Variants in BBS4 observed in about 807,000 individuals in gnomAD.
BBS4 encodes BBSome complex member BBS4.
BBS4 carries 58 observed loss-of-function variants against 71.4 expected under a neutral mutation model. The observed-to-expected ratio is 0.81, with a 90% CI of 0.66 to 1.01. The LOEUF (loss-of-function observed/expected upper bound fraction) is 1.01, where lower values mean the gene tolerates loss of function less well. Among genes scored for constraint, BBS4 ranks in the 50% least tolerant of loss-of-function variants. The pLI is 0.00. For missense variants in BBS4, 660 were observed against 607.9 expected (o/e 1.09, Z -0.90); for synonymous variants, 228 against 216.8 (o/e 1.05, Z -0.46).
chr15:72,738,067 A>G lies in BBS4; in HGVS notation c.*480A>G. The G allele has an allele frequency of 2.2e-6, 1 of 454,124 alleles. No homozygotes were observed. Among genetic ancestry groups the G allele is most frequent in the South Asian group, 1.6e-5 (1 of 64,474 alleles). The allele number at this position is 454,124 out of a possible 1,614,324, so 28.1% of individuals were successfully genotyped here. On this transcript the variant is annotated 3_prime_UTR_variant, in exon 16 of 16. Transcript: ENST00000268057. Reference sequence around the variant, plus strand: ...AGGCAAACACAAATATTAGATTAATAATCCAACTTTAATAGTATACATTTA... The same window carrying G: ...AGGCAAACACAAATATTAGATTAATGATCCAACTTTAATAGTATACATTTA...
Position 72,702,802 on chromosome 15 carries a change from CTTTTTTTTTTTT to C in BBS4, c.77-6886_77-6875del, listed in dbSNP as rs59816410. On this transcript the variant is annotated intron_variant, in intron 2 of 15. Coordinates refer to ENST00000268057, the MANE Select transcript of BBS4 (RefSeq NM_033028.5). Reference sequence around the variant, plus strand: ...TTTTTGGTATAGTGAGGAGCTGACTCTTTTTTTTTTTTTTTTTTTTTTTGAGACGGAGTCTCG... The same window carrying C: ...TTTTTGGTATAGTGAGGAGCTGACTCTTTTTTTTTTTGAGACGGAGTCTCG... Among the ~76,000 whole-genome samples the C allele has an allele frequency of 1.8e-4, 13 of 73,486 alleles. 1 individual carries two copies. Among genetic ancestry groups the C allele is most frequent in the Non-Finnish European group, 2.2e-4 (9 of 40,228 alleles). 48.2% of individuals were successfully genotyped at this position (73,486 alleles called of 152,430 possible).
At chr15:72,695,878 G>A (rs1315807797) in intron 2 of BBS4, among the ~76,000 whole-genome samples, 1 of 152,140 alleles carries the variant, frequency 6.6e-6, no homozygotes, top group African/African-American at 2.4e-5. Context: ...TTCTTTATAT[G>A]GTTTGTTTTA....
intron 1 of BBS4, chr15:72,686,523 C>G (rs775255819): frequency 1.3e-5 from 20 of 1,505,334 alleles, no homozygotes; most frequent in Non-Finnish European, 1.7e-5. Flanking sequence ...AGTAATGGCT[C>G]TTACCGTAGT....
chr15:72,719,057 G>GT (rs1260840124), intron 6 of BBS4, among the ~76,000 whole-genome samples: 2 of 151,912 alleles, frequency 1.3e-5, no homozygotes, highest in East Asian at 3.9e-4. Flanking sequence ...GAAAAAAAGA[G>GT]TTTTTTACTT....
chr15:72,686,975 A>G (rs184903293), intron 1 of BBS4: 31 of 219,764 alleles, frequency 1.4e-4, no homozygotes, highest in South Asian at 1.4e-3. Context: ...AAAACAGTAC[A>G]AATAGCAGCC....
intron 1 of BBS4, among the ~76,000 whole-genome samples, chr15:72,694,193 CTT>C (rs34852416): frequency 1.8e-3 from 248 of 135,334 alleles, no homozygotes; most frequent in Middle Eastern, 3.8e-3. Flanking sequence ...CCTTTCTTTC[CTT>C]TTTTTTTTTT....
Position 72,731,310 on chromosome 15 carries a change from C to G in BBS4, c.717C>G (p.Ile239Met), listed in dbSNP as rs2065815468. ...TCTCTGTGCCATGTTTTCAGGCCAT[C>G]TTGGCAGCAGGCAGCATGATGCAGA... is the stretch of plus-strand genomic sequence containing the variant. ...LTYDPTNYKA[I>M]LAAGSMMQTH... Residue 239 changes from isoleucine (I) to methionine (M), a missense_variant, in exon 11 of 16, where the codon ATC becomes ATG. By Grantham distance (10) the Ile-to-Met change is conservative. Transcript: ENST00000268057. 1.4e-5 allele frequency: 22 copies of G among 1,613,914 alleles called. No homozygotes were observed. The highest frequency in any genetic ancestry group is 5.3e-5 in the African/African-American group (4 of 74,850).
At chr15:72,703,212 A>G (rs2065207918) in intron 2 of BBS4, among the ~76,000 whole-genome samples, 1 of 152,150 alleles carries the variant, frequency 6.6e-6, no homozygotes, top group Admixed American at 6.5e-5. Flanking sequence ...TTAGAAGGCA[A>G]GAGGAAAGAG....
At chr15:72,723,045 T>C (rs561120145) in intron 7 of BBS4, among the ~76,000 whole-genome samples, 198 bp downstream of exon 7, 2 of 152,272 alleles carry the variant, frequency 1.3e-5, no homozygotes, top group East Asian at 1.9e-4. Context: ...AATAAGAACA[T>C]GGAAAGTTCT....
chr15:72,717,865 G>A (rs1186812380), intron 6 of BBS4, among the ~76,000 whole-genome samples: 3 of 151,998 alleles, frequency 2.0e-5, no homozygotes, highest in South Asian at 2.1e-4. Context: ...GTGGTGCGGG[G>A]GGGTACAGAG....
chr15:72,736,857 G>C lies in BBS4; in HGVS notation c.1344G>C (p.Gln448His). 1 of 1,614,144 alleles carries C rather than the reference G, an allele frequency of 6.2e-7. No individual in the cohort carries two copies. The highest frequency in any genetic ancestry group is 8.5e-7 in the Non-Finnish European group (1 of 1,180,016). Residue 448 changes from glutamine to histidine, a missense_variant, in exon 15 of 16, where the codon CAG (glutamine) becomes CAC (histidine). Transcript: ENST00000268057. ...KPVKDPKSKHQTTSTSKPASF... is the reference protein window; with the variant it reads ...KPVKDPKSKHHTTSTSKPASF... ...TTAAAGATCCCAAATCAAAGCACCA[G>C]ACCACTTCAACCAGCAAACCTGCCA...
intron 9 of BBS4, among the ~76,000 whole-genome samples, chr15:72,728,539 A>C (rs568479916): frequency 6.6e-6 from 1 of 152,108 alleles, no homozygotes; most frequent in African/African-American, 2.4e-5. Flanking sequence ...GAAAGAGCAT[A>C]TATGAGAAAT....
chr15:72,721,832 C>T (rs2065582726), intron 6 of BBS4, among the ~76,000 whole-genome samples: 1 of 152,088 alleles, frequency 6.6e-6, no homozygotes, highest in South Asian at 2.1e-4. Flanking sequence ...TTCTCCTTTT[C>T]CAAAGCTACC....
At chr15:72,731,846 A>G (rs1420629577) in intron 12 of BBS4, 120 bp downstream of exon 12, 41 of 1,249,898 alleles carry the variant, frequency 3.3e-5, no homozygotes, top group Non-Finnish European at 4.3e-5. Context: ...TCCTGTAGGA[A>G]TCTGGATTAC....
intron 1 of BBS4, among the ~76,000 whole-genome samples, chr15:72,694,408 C>G (rs2065040089): frequency 6.6e-6 from 1 of 152,104 alleles, no homozygotes; most frequent in African/African-American, 2.4e-5. Flanking sequence ...CCAGGCTGGT[C>G]TTGAACTCCT....
chr15:72,709,630 A>T, intron 2 of BBS4, 70 bp from the exon 3 acceptor site: 2 of 1,086,046 alleles, frequency 1.8e-6, no homozygotes, highest in Non-Finnish European at 1.4e-6. Flanking sequence ...GTTAGTTTAG[A>T]CATGAGGACA....
At chr15:72,696,726 C>T (rs980714959) in intron 2 of BBS4, among the ~76,000 whole-genome samples, 1 of 151,754 alleles carries the variant, frequency 6.6e-6, no homozygotes, top group African/African-American at 2.4e-5. Context: ...GCTGGGTCTA[C>T]AGGTGCATGC....
rs568528003 is a variant in BBS4 at position 72,689,865 on chromosome 15, C to T, written c.24+3614C>T. On this transcript the variant is annotated intron_variant, in intron 1 of 15. Coordinates refer to ENST00000268057, the MANE Select transcript of BBS4 (RefSeq NM_033028.5). ...TTGCTCTGTCGCCCAGGCTGGAGCG[C>T]AGTGGCGCGATCTCGGCTCACTGCA... Among the ~76,000 whole-genome samples, 709 of 152,040 alleles carry T rather than the reference C, an allele frequency of 4.7e-3. 8 individuals carry two copies. The highest frequency in any genetic ancestry group is 0.017 in the African/African-American group (690 of 41,468).
At position 72,736,928 on chromosome 15, in the gene BBS4, T is replaced by G. The variant is rs755699247; in HGVS notation, c.1415T>G (p.Met472Arg). The change falls in exon 15 of 16, where the codon ATG becomes AGG. Residue 472 changes from methionine to arginine, a missense_variant. Transcript: ENST00000268057. ...LGSNQALGQA[M>R]SSAAAYRTLP... ...TCTAATCAAGCTCTAGGACAGGCAA[T>G]GTCTTCAGCAGCTGCATACAGGACG... 3 of 1,614,194 alleles carry G rather than the reference T, an allele frequency of 1.9e-6. No homozygotes were observed. Among genetic ancestry groups the G allele is most frequent in the Non-Finnish European group, 2.5e-6 (3 of 1,180,024 alleles).
Sources: allele counts gnomAD v4.1 joint callset (sites outside exome capture counted in the v4.1 genomes callset), GRCh38; gene constraint gnomAD v4.1.1; transcripts MANE v1.5; gene names NCBI Gene and HGNC (gene_info 2026-07-23, HGNC 2026-07-21).